KIF16B: variants seen among roughly 807,000 people sequenced by gnomAD.
KIF16B encodes kinesin family member 16B.
Under a neutral mutation model 156.3 loss-of-function variants are expected in KIF16B, and 98 were observed. The observed-to-expected ratio is 0.63, with a 90% CI of 0.53 to 0.74. KIF16B has a LOEUF of 0.74. Among genes scored for constraint, KIF16B ranks in the 30% least tolerant of loss-of-function variants. KIF16B has a pLI of 0.00. For synonymous variants in KIF16B, 564 were observed against 583.7 expected (o/e 0.97, Z 0.49); for missense variants, 1,421 against 1,606.5 (o/e 0.88, Z 1.97).
chr20:16,552,384 A>G (rs1176517725), intron 1 of KIF16B, among the ~76,000 whole-genome samples: 1 of 152,238 alleles, frequency 6.6e-6, no homozygotes, highest in East Asian at 1.9e-4. Flanking sequence ...CAGCATATGC[A>G]ATATTAACAC....
chr20:16,354,477 T>TACACACACACAC lies in KIF16B; in HGVS notation c.3621+1841_3621+1852dup, dbSNP rs10567864. Reference sequence around the variant, plus strand: ...TCACATATATGTACAAATGGAATTCTACACACACACACACACACACACACA... The same window carrying TACACACACACAC: ...TCACATATATGTACAAATGGAATTCTACACACACACACACACACACACACACACACACACACA... On this transcript the variant is annotated intron_variant, in intron 23 of 25. Transcript: ENST00000354981. Among the ~76,000 whole-genome samples the TACACACACACAC allele has an allele frequency of 3.4e-5, 5 of 148,636 alleles. No individual in the cohort carries two copies. In the East Asian group the frequency reaches 5.9e-4, roughly 18 times the overall value.
chr20:16,406,270 G>T, intron 16 of KIF16B, 104 bp downstream of exon 16: 1 of 943,236 alleles, frequency 1.1e-6, no homozygotes, highest in Non-Finnish European at 1.7e-6. Context: ...CTTTTCCACG[G>T]TTCTGCACCC....
intron 1 of KIF16B, among the ~76,000 whole-genome samples, chr20:16,569,280 A>G (rs1209371081): frequency 6.6e-6 from 1 of 152,206 alleles, no homozygotes; most frequent in East Asian, 1.9e-4. Context: ...TCTGTCTCCC[A>G]ATCTGTAAAA....
chr20:16,506,796 T>C (rs2068793780), intron 7 of KIF16B, among the ~76,000 whole-genome samples: 1 of 152,090 alleles, frequency 6.6e-6, no homozygotes, highest in East Asian at 1.9e-4. Context: ...TTAAACCTCT[T>C]AGAAATGAGA....
chr20:16,356,778 T>C (rs1394543257), intron 22 of KIF16B, among the ~76,000 whole-genome samples: 2 of 152,184 alleles, frequency 1.3e-5, no homozygotes, highest in Admixed American at 6.5e-5. Context: ...TTAAAAAAAA[T>C]CAGTGTAAAC....
chr20:16,331,441 G>A (rs552649490), intron 24 of KIF16B, among the ~76,000 whole-genome samples: 3 of 152,326 alleles, frequency 2.0e-5, no homozygotes, highest in Admixed American at 6.5e-5. Flanking sequence ...GGTGACAGAA[G>A]AGTCTATCTT....
chr20:16,418,704 C>G (rs998267052), intron 15 of KIF16B, among the ~76,000 whole-genome samples: 1 of 152,106 alleles, frequency 6.6e-6, no homozygotes, highest in East Asian at 1.9e-4. Context: ...TCATGCTAAC[C>G]CTGCCAGTTT....
chr20:16,340,880 G>A (rs1055178392), intron 23 of KIF16B, among the ~76,000 whole-genome samples: 3 of 152,152 alleles, frequency 2.0e-5, no homozygotes, highest in Non-Finnish European at 4.4e-5. Context: ...TGATGATATA[G>A]CTAAGTGATT....
intron 7 of KIF16B, 104 bp from the exon 8 acceptor site, chr20:16,506,294 G>T: frequency 3.2e-6 from 3 of 951,026 alleles, no homozygotes; most frequent in East Asian, 2.4e-5. Flanking sequence ...GATCTCTCAG[G>T]GTAGATATTT....
intron 10 of KIF16B, among the ~76,000 whole-genome samples, chr20:16,499,488 G>C (rs576818318): frequency 1.3e-5 from 2 of 152,328 alleles, no homozygotes; most frequent in Admixed American, 6.5e-5. Flanking sequence ...AGCTTTGTTA[G>C]CATGTTACTA....
chr20:16,484,776 T>C (rs60668051), intron 12 of KIF16B, among the ~76,000 whole-genome samples: 2 of 152,152 alleles, frequency 1.3e-5, no homozygotes, highest in Non-Finnish European at 2.9e-5. Flanking sequence ...GTCATCTTCA[T>C]TGCAACCCCT....
intron 17 of KIF16B, among the ~76,000 whole-genome samples, chr20:16,402,091 C>G (rs1388043714): frequency 6.6e-6 from 1 of 152,094 alleles, no homozygotes; most frequent in African/African-American, 2.4e-5. Context: ...CCCATCTACT[C>G]TGGCCCTCTC....
chr20:16,500,970 T>C (rs984192933), intron 10 of KIF16B, among the ~76,000 whole-genome samples: 1 of 152,106 alleles, frequency 6.6e-6, no homozygotes, highest in Non-Finnish European at 1.5e-5. Context: ...TCAAGAGAGA[T>C]GAGGAAGTCA....
At chr20:16,450,328 C>G (rs2067046214) in intron 12 of KIF16B, among the ~76,000 whole-genome samples, 1 of 152,076 alleles carries the variant, frequency 6.6e-6, no homozygotes, top group South Asian at 2.1e-4. Context: ...ACAAATAAGC[C>G]CCAACTCTAC....
chr20:16,439,818 A>C (rs1281859284), intron 12 of KIF16B, among the ~76,000 whole-genome samples: 1 of 152,182 alleles, frequency 6.6e-6, no homozygotes, highest in African/African-American at 2.4e-5. Flanking sequence ...CAATACCATC[A>C]GATCTCTTGA....
chr20:16,446,771 G>C (rs2066942182), intron 12 of KIF16B, among the ~76,000 whole-genome samples: 1 of 152,206 alleles, frequency 6.6e-6, no homozygotes, highest in Non-Finnish European at 1.5e-5. Context: ...CCTAGGTATT[G>C]TGTTAATTTA....
intron 1 of KIF16B, among the ~76,000 whole-genome samples, chr20:16,544,737 G>A (rs112243894): frequency 2.6e-5 from 4 of 151,916 alleles, no homozygotes; most frequent in African/African-American, 9.7e-5. Flanking sequence ...CTTACTGATG[G>A]GCTACTATAC....
At chr20:16,394,314 A>C (rs2065440457) in intron 17 of KIF16B, among the ~76,000 whole-genome samples, 1 of 152,228 alleles carries the variant, frequency 6.6e-6, no homozygotes, top group African/African-American at 2.4e-5. Flanking sequence ...CCCGAAGCTC[A>C]TCAGTTAAAG....
intron 1 of KIF16B, among the ~76,000 whole-genome samples, chr20:16,561,796 A>G (rs183129862): frequency 1.3e-5 from 2 of 152,356 alleles, no homozygotes; most frequent in South Asian, 2.1e-4. Flanking sequence ...ATTTGTGATA[A>G]AACATCAGAG....
Sources: gnomAD v4.1 joint callset for allele counts (sites outside exome capture counted in the v4.1 genomes callset) on GRCh38, gnomAD v4.1.1 for gene constraint, MANE v1.5 for transcripts, NCBI Gene and HGNC (gene_info 2026-07-23, HGNC 2026-07-21) for gene names.